The following NRL variants were observed in gnomAD, a reference collection of about 807,000 sequenced individuals.
NRL encodes neural retina leucine zipper.
Under a neutral mutation model 12.5 loss-of-function variants are expected in NRL, and 16 were observed. The observed-to-expected ratio is 1.28, with a 90% confidence interval of 0.87 to 1.95. The LOEUF (loss-of-function observed/expected upper bound fraction) is 1.95. NRL is among the 30% of genes most tolerant of loss of function. The pLI is 0.00. For missense variants in NRL, 314 were observed against 325.8 expected (o/e 0.96, Z 0.28); for synonymous variants, 142 against 150.9 (o/e 0.94, Z 0.43).
chr14:24,099,971 C>A (rs759010389), intron 1 of NRL: 3 of 1,614,190 alleles, frequency 1.9e-6, no homozygotes, highest in East Asian at 4.5e-5. Context: ...TTTGGTCCTT[C>A]CTTTCTTTCA....
intron 1 of NRL, among the ~76,000 whole-genome samples, chr14:24,108,080 C>T (rs1450224022): frequency 1.3e-5 from 2 of 152,220 alleles, no homozygotes; most frequent in Non-Finnish European, 2.9e-5. Flanking sequence ...TGACATGATA[C>T]ATACTCCTTG....
At chr14:24,104,059 C>A in intron 1 of NRL, 1 of 796,548 alleles carries the variant, frequency 1.3e-6, no homozygotes, top group Non-Finnish European at 2.1e-6. Flanking sequence ...TATTAACTAA[C>A]ATCTTCAATG....
rs919856976 is a variant in NRL, at chr14:24,094,035, G to A, written c.-27-11160C>T. The A allele has an allele frequency of 9.3e-6, 5 of 536,728 alleles. No homozygotes were observed. The East Asian group carries it at 1.0e-4, about 11-fold the overall frequency. 33.2% of individuals were successfully genotyped at this position (536,728 alleles called of 1,614,324 possible). On this transcript the variant is annotated intron_variant, in intron 1 of 2. Transcript: ENST00000561028. This position sits in a 1 kb window ranked among gnomAD's most constrained non-coding sequence, Gnocchi z 4.1. ...TCTCCCGGGAGCAAGAGTCCTCAAAGTTACATCATGTGCGGCTGGGAGGGC... is the reference window on the plus strand; with the variant it reads ...TCTCCCGGGAGCAAGAGTCCTCAAAATTACATCATGTGCGGCTGGGAGGGC...
intron 1 of NRL, among the ~76,000 whole-genome samples, chr14:24,084,189 G>A (rs569289052): frequency 3.6e-4 from 55 of 152,330 alleles, no homozygotes; most frequent in Non-Finnish European, 6.2e-4. Context: ...TCCAGGGCAG[G>A]GTTGCTGCCC....
intron 1 of NRL, among the ~76,000 whole-genome samples, chr14:24,105,827 C>T (rs2037329609): frequency 6.6e-6 from 1 of 152,208 alleles, no homozygotes; most frequent in African/African-American, 2.4e-5. Context: ...ATCACTTGAA[C>T]TCAGGAGGCA....
At chr14:24,111,783 C>G (rs1245412734) in intron 1 of NRL, among the ~76,000 whole-genome samples, 2 of 149,842 alleles carry the variant, frequency 1.3e-5, no homozygotes, top group Non-Finnish European at 3.0e-5. Context: ...CGTCTGCAAA[C>G]AGGGACAATT....
Position 24,105,553 on chromosome 14 carries a change from G to T in NRL, c.-28+9169C>A, listed in dbSNP as rs189094235. Among the ~76,000 whole-genome samples, 6 of 152,370 alleles carry T rather than the reference G, an allele frequency of 3.9e-5. No individual in the cohort carries two copies. The East Asian group carries it at 1.2e-3, about 29-fold the overall frequency. ...CAGTTAGTAAACAATAGAGCTAAGG[G>T]TTAAAGTGATAAAACTGCAAAGACA... On this transcript the variant is annotated intron_variant, in intron 1 of 2. Coordinates refer to ENST00000561028, the MANE Select transcript of NRL (RefSeq NM_001354768.3).
In NRL at chr14:24,094,342, C is replaced by T. The variant is rs1594277552; in HGVS notation, c.-27-11467G>A. 8 of 1,471,036 alleles carry T rather than the reference C, an allele frequency of 5.4e-6. No homozygotes were observed. The highest frequency in any genetic ancestry group is 1.8e-4 in the Middle Eastern group (1 of 5,514). The allele number at this position is 1,471,036 out of a possible 1,614,324, so 91.1% of individuals were successfully genotyped here. ...CGCTTCGCCGCGCTCCCTCCTTCCC[C>T]GCCTTCCATACCTCCCCGGCTCCGC... On this transcript the variant is annotated intron_variant, in intron 1 of 2. Transcript: ENST00000561028. The surrounding 1 kb of genome is among the most constrained non-coding windows in gnomAD (Gnocchi z 4.1).
At chr14:24,114,031 CGCAGGAGGGG>C (rs552188952) in intron 1 of NRL, among the ~76,000 whole-genome samples, 5 of 152,036 alleles carry the variant, frequency 3.3e-5, no homozygotes, top group East Asian at 1.9e-4. Context: ...CTCATAAACC[CGCAGGAGGGG>C]GCAGGAGGGG....
In NRL at chr14:24,114,921, G is replaced by C. The variant is rs1453751617; in HGVS notation, c.-227C>G. On this transcript the variant is annotated 5_prime_UTR_variant, in exon 1 of 3. Transcript: ENST00000561028. ...GCTGCGGGTCCTGCGACCGCTCCTG[G>C]CTGGTGGGTGGTCTCGCGTGGGGCG... 3.5e-5 allele frequency: 35 copies of C among 986,052 alleles called. No homozygotes were observed. Among genetic ancestry groups the C allele is most frequent in the Non-Finnish European group, 4.2e-5 (35 of 830,012 alleles). The allele number at this position is 986,052 out of a possible 1,614,324, so 61.1% of individuals were successfully genotyped here. A position where few individuals can be genotyped will look rare whatever the true frequency, so the allele number is the denominator to read the frequency against.
In NRL at chr14:24,079,373, G is replaced by GC. The variant is rs2036210569; in HGVS notation, c.*1862dup. On this transcript the variant is annotated 3_prime_UTR_variant, in exon 3 of 3. Coordinates refer to ENST00000561028, the MANE Select transcript of NRL (RefSeq NM_001354768.3). The stretch of plus-strand genomic sequence containing the variant: ...CTGGGCTCCCGGAAGGACCCTCCCT[G>GC]CCCCATCCTCTCCCTTCAACAATGA... Among the ~76,000 whole-genome samples the GC allele has an allele frequency of 6.6e-6, 1 of 152,190 alleles. No individual in the cohort carries two copies. The highest frequency in any genetic ancestry group is 2.4e-5 in the African/African-American group (1 of 41,454).
intron 1 of NRL, among the ~76,000 whole-genome samples, chr14:24,089,788 G>A (rs2036565301): frequency 6.6e-6 from 1 of 152,226 alleles, no homozygotes; most frequent in African/African-American, 2.4e-5. Flanking sequence ...ACCAAGACTG[G>A]TCAGGTGAAT....
chr14:24,088,765 C>T (rs2036531152), intron 1 of NRL, among the ~76,000 whole-genome samples: 1 of 149,548 alleles, frequency 6.7e-6, no homozygotes, highest in African/African-American at 2.5e-5. Flanking sequence ...CCTGGCTCAG[C>T]CTATCAAGTA....
intron 1 of NRL, chr14:24,099,757 CTT>C: frequency 6.3e-7 from 1 of 1,587,446 alleles, no homozygotes; most frequent in Non-Finnish European, 8.7e-7. Flanking sequence ...GGTTCTGGCT[CTT>C]GTCAGAGCCT....
At chr14:24,111,379 T>C (rs2037416760) in intron 1 of NRL, among the ~76,000 whole-genome samples, 2 of 152,198 alleles carry the variant, frequency 1.3e-5, no homozygotes, top group South Asian at 4.1e-4. Context: ...GTTGATTGTT[T>C]TTTGTGTGTG....
chr14:24,098,537 G>A lies in NRL; in HGVS notation c.-27-15662C>T, dbSNP rs200818867. On this transcript the variant is annotated intron_variant, in intron 1 of 2. Coordinates refer to ENST00000561028, the MANE Select transcript of NRL (RefSeq NM_001354768.3). ...TGTGGGCTCCCCGCTGTCCCGCATC[G>A]GGGTGCAGCTCACTGACTCAGCCTA... is the stretch of plus-strand genomic sequence containing the variant. The A allele has an allele frequency of 2.7e-5, 44 of 1,614,150 alleles. No individual in the cohort carries two copies. The highest frequency in any genetic ancestry group is 1.6e-4 in the Middle Eastern group (1 of 6,062).
intron 1 of NRL, among the ~76,000 whole-genome samples, chr14:24,106,936 G>A (rs1012964767): frequency 1.3e-5 from 2 of 152,052 alleles, no homozygotes; most frequent in African/African-American, 4.8e-5. Context: ...TTGTTGGGAA[G>A]ATTAAAAGAG....
At chr14:24,103,452 T>G (rs2037246559) in intron 1 of NRL, 1 of 1,398,616 alleles carries the variant, frequency 7.1e-7, no homozygotes, top group Admixed American at 2.1e-5. Flanking sequence ...GGATGCAGGG[T>G]GCCCTTCCCT....
At chr14:24,098,217 C>G (rs768522658) in intron 1 of NRL, 1 of 1,610,310 alleles carries the variant, frequency 6.2e-7, no homozygotes, top group East Asian at 2.2e-5. Context: ...CTGGCCCGCA[C>G]AGACCCCAAG....
Sources: gnomAD v4.1 joint callset for allele counts (sites outside exome capture counted in the v4.1 genomes callset) on GRCh38, gnomAD v4.1.1 for gene constraint, Gnocchi (gnomAD v3.1) non-coding constraint, MANE v1.5 for transcripts, NCBI Gene and HGNC (gene_info 2026-07-23, HGNC 2026-07-21) for gene names.